The following HS6ST3 variants were observed in gnomAD, a reference collection of about 807,000 sequenced individuals.
HS6ST3 encodes the protein heparan-sulfate 6-O-sulfotransferase 3.
In HS6ST3, 12 loss-of-function variants were observed where a neutral mutation model predicts 36.7. The observed-to-expected ratio is 0.33, with a 90% CI of 0.21 to 0.53. The LOEUF is 0.53. HS6ST3 is among the 20% of genes least tolerant of loss of function. HS6ST3 has a pLI of 0.95. For synonymous variants in HS6ST3, 240 were observed against 257.5 expected (o/e 0.93, Z 0.65); for missense variants, 584 against 640.9 (o/e 0.91, Z 0.96).
At chr13:96,296,490 G>T (rs955365739) in intron 1 of HS6ST3, among the ~76,000 whole-genome samples, 1 of 152,176 alleles carries the variant, frequency 6.6e-6, no homozygotes, top group Admixed American at 6.6e-5. Context: ...GGAAAGTGAT[G>T]GTGGTCTGTA....
At chr13:96,318,645 G>A (rs1041614967) in intron 1 of HS6ST3, among the ~76,000 whole-genome samples, 2 of 148,546 alleles carry the variant, frequency 1.3e-5, no homozygotes, top group Admixed American at 6.7e-5. Context: ...TATTGAATAG[G>A]GATCCTTTCC....
intron 1 of HS6ST3, among the ~76,000 whole-genome samples, chr13:96,325,663 C>T (rs2055027231): frequency 6.6e-6 from 1 of 152,118 alleles, no homozygotes; most frequent in South Asian, 2.1e-4. Flanking sequence ...AGTTCTGGAA[C>T]CATCCCTCAT....
intron 1 of HS6ST3, among the ~76,000 whole-genome samples, chr13:96,444,918 C>T (rs1330767114): frequency 3.3e-5 from 5 of 152,120 alleles, no homozygotes; most frequent in African/African-American, 1.2e-4. Context: ...ACTTGAATCT[C>T]GTAGACATAC....
chr13:96,494,835 C>T (rs2055966812), intron 1 of HS6ST3, among the ~76,000 whole-genome samples: 1 of 152,222 alleles, frequency 6.6e-6, no homozygotes, highest in African/African-American at 2.4e-5. Context: ...TCCTACTTAT[C>T]TGTGCTTTGG....
intron 1 of HS6ST3, among the ~76,000 whole-genome samples, chr13:96,372,004 G>A (rs902639638): frequency 6.6e-6 from 1 of 152,128 alleles, no homozygotes; most frequent in Non-Finnish European, 1.5e-5. Context: ...TGTATCCGGG[G>A]TGGGATTGCT....
chr13:96,315,744 A>T (rs944621398), intron 1 of HS6ST3, among the ~76,000 whole-genome samples: 1 of 152,196 alleles, frequency 6.6e-6, no homozygotes, highest in Admixed American at 6.5e-5. Flanking sequence ...CACAGACTTT[A>T]TATCTTTAAC....
intron 1 of HS6ST3, among the ~76,000 whole-genome samples, chr13:96,580,388 C>CTT (rs140727043): frequency 9.3e-6 from 1 of 107,048 alleles, no homozygotes. Flanking sequence ...TTGGTCAACA[C>CTT]TTTGTTTTTT....
rs147974183 is a variant in HS6ST3 at position 96,318,251 on chromosome 13, G to A, written c.707+226682G>A. Among the ~76,000 whole-genome samples, 110 of 152,268 alleles carry A rather than the reference G, an allele frequency of 7.2e-4. 2 individuals carry two copies. The highest frequency in any genetic ancestry group is 2.5e-3 in the African/African-American group (105 of 41,564). On this transcript the variant is annotated intron_variant, in intron 1 of 1. Transcript: ENST00000376705. ...ATACGGTGAAAGATAAAGTTCCAGG[G>A]CCAGGCATGGTGGCTCATGCCTGTA...
chr13:96,333,306 G>T (rs2055082075), intron 1 of HS6ST3, among the ~76,000 whole-genome samples: 1 of 152,238 alleles, frequency 6.6e-6, no homozygotes. Context: ...AAGATTCCAT[G>T]TCTATAATTC....
chr13:96,592,852 T>G (rs1489542010), intron 1 of HS6ST3, among the ~76,000 whole-genome samples: 2 of 152,114 alleles, frequency 1.3e-5, no homozygotes, highest in Non-Finnish European at 2.9e-5. Flanking sequence ...TCTTGCTGCC[T>G]TTAGGACCCT....
At chr13:96,496,402 G>A (rs968293078) in intron 1 of HS6ST3, among the ~76,000 whole-genome samples, 8 of 152,020 alleles carry the variant, frequency 5.3e-5, no homozygotes, top group East Asian at 1.9e-4. Context: ...TCTGTATTCC[G>A]TCTTCCTGAA....
intron 1 of HS6ST3, among the ~76,000 whole-genome samples, chr13:96,121,827 C>A (rs966038310): frequency 6.6e-6 from 1 of 152,102 alleles, no homozygotes; most frequent in Admixed American, 6.6e-5. Flanking sequence ...GAGAAACTCA[C>A]AATATTACAT....
intron 1 of HS6ST3, among the ~76,000 whole-genome samples, chr13:96,786,663 G>A (rs1877660536): frequency 6.6e-6 from 1 of 152,074 alleles, no homozygotes; most frequent in Non-Finnish European, 1.5e-5. Flanking sequence ...TTACATACTT[G>A]CATGGGAAGG....
At chr13:96,412,578 A>G (rs1483915978) in intron 1 of HS6ST3, among the ~76,000 whole-genome samples, 1 of 152,154 alleles carries the variant, frequency 6.6e-6, no homozygotes. Context: ...ATGGACAGAG[A>G]GCTAAGAGAA....
chr13:96,834,969 AC>A lies in HS6ST3; in HGVS notation c.*1773del, dbSNP rs1203916904. 6.6e-6 allele frequency: 1 copy of A among 152,410 alleles called. No individual in the cohort carries two copies. The highest frequency in any genetic ancestry group is 1.5e-5 in the Non-Finnish European group (1 of 68,038). The allele number at this position is 152,410 out of a possible 1,614,324, so 9.4% of individuals were successfully genotyped here. ...AGGAACTGAACGAGGCCCTTTTCAT[AC>A]CTTAAATATATTCTGCACAACAAAT... On this transcript the variant is annotated 3_prime_UTR_variant, in exon 2 of 2. Coordinates refer to ENST00000376705, the MANE Select transcript of HS6ST3 (RefSeq NM_153456.4).
At chr13:96,343,887 C>T (rs558186374) in intron 1 of HS6ST3, among the ~76,000 whole-genome samples, 6 of 152,152 alleles carry the variant, frequency 3.9e-5, no homozygotes, top group South Asian at 4.2e-4. Flanking sequence ...GGATTATAGG[C>T]GCGTGCCACT....
chr13:96,806,227 C>T (rs559268908), intron 1 of HS6ST3, among the ~76,000 whole-genome samples: 16 of 152,270 alleles, frequency 1.1e-4, no homozygotes, highest in African/African-American at 3.6e-4. Context: ...AGGTCCAAAA[C>T]ATTCCTGAAT....
At chr13:96,509,128 C>A (rs977562909) in intron 1 of HS6ST3, among the ~76,000 whole-genome samples, 1 of 151,884 alleles carries the variant, frequency 6.6e-6, no homozygotes, top group Non-Finnish European at 1.5e-5. Context: ...TTTTTCATAT[C>A]GTTATTGGCC....
intron 1 of HS6ST3, among the ~76,000 whole-genome samples, chr13:96,235,331 C>G (rs1736657617): frequency 6.6e-6 from 1 of 152,108 alleles, no homozygotes; most frequent in Non-Finnish European, 1.5e-5. Context: ...AGCTGCCACA[C>G]CACAAGGATT....
Sources: allele counts gnomAD v4.1 joint callset (sites outside exome capture counted in the v4.1 genomes callset), GRCh38; gene constraint gnomAD v4.1.1; transcripts MANE v1.5; gene names NCBI Gene and HGNC (gene_info 2026-07-23, HGNC 2026-07-21).